Variants in CLIP4 observed in about 807,000 individuals in gnomAD.
CLIP4 encodes CAP-Gly domain containing linker protein family member 4.
Under a neutral mutation model 73.1 loss-of-function variants are expected in CLIP4, and 47 were observed. That is an observed-to-expected ratio of 0.64 (90% CI 0.51 to 0.82). The LOEUF (loss-of-function observed/expected upper bound fraction) is 0.82. Ranked by LOEUF, CLIP4 falls within the 40% of genes least tolerant of loss-of-function variation. The probability of loss-of-function intolerance (pLI) is 0.00; values close to 1 mark genes in which losing one functional copy is unlikely to be tolerated. For missense variants in CLIP4, 874 were observed against 852.9 expected (o/e 1.02, Z -0.31); for synonymous variants, 306 against 295.4 (o/e 1.04, Z -0.37).
intron 1 of CLIP4, among the ~76,000 whole-genome samples, chr2:29,102,695 G>A (rs528943811): frequency 2.0e-5 from 3 of 151,394 alleles, no homozygotes; most frequent in African/African-American, 7.3e-5. Flanking sequence ...GTGCCATCTC[G>A]GCTCACTGCA....
rs117757324 is a variant in CLIP4 at position 29,120,252 on chromosome 2, C to T, written c.-15-1122C>T. Among the ~76,000 whole-genome samples, 46 of 152,218 alleles carry T rather than the reference C, an allele frequency of 3.0e-4. No homozygotes were observed. The East Asian group carries it at 6.9e-3, about 23-fold the overall frequency. On this transcript the variant is annotated intron_variant, in intron 1 of 15. Transcript: ENST00000320081. ...TAACATCTATATCCATATAAGCATA[C>T]GATTTTTGAGGAAAAAGAAAGCCTC...
chr2:29,123,067 C>T (rs1452031644), intron 2 of CLIP4, among the ~76,000 whole-genome samples: 3 of 152,126 alleles, frequency 2.0e-5, no homozygotes, highest in Non-Finnish European at 1.5e-5. Context: ...CAAAATTGGT[C>T]TCCCTGAAAT....
chr2:29,155,523 A>C (rs1164438434), intron 9 of CLIP4, among the ~76,000 whole-genome samples: 1 of 152,246 alleles, frequency 6.6e-6, no homozygotes, highest in Non-Finnish European at 1.5e-5. Context: ...ACAGTTTTGC[A>C]AAACATTACC....
At chr2:29,176,212 CAG>C (rs1261037901) in intron 15 of CLIP4, among the ~76,000 whole-genome samples, 1 of 152,174 alleles carries the variant, frequency 6.6e-6, no homozygotes, top group African/African-American at 2.4e-5. Flanking sequence ...GTGAGGGAGA[CAG>C]GGCAGTGCTC....
At chr2:29,177,147 G>A (rs960170390) in intron 15 of CLIP4, among the ~76,000 whole-genome samples, 1 of 152,122 alleles carries the variant, frequency 6.6e-6, no homozygotes, top group African/African-American at 2.4e-5. Flanking sequence ...AGTGGCTCAT[G>A]CCTATAATCT....
intron 2 of CLIP4, among the ~76,000 whole-genome samples, chr2:29,123,269 T>G (rs1214541354): frequency 2.0e-5 from 3 of 152,206 alleles, no homozygotes; most frequent in Admixed American, 6.5e-5. Flanking sequence ...CTTGGTACAC[T>G]GTGGTCAGTC....
At chr2:29,175,855 G>A (rs900200733) in intron 15 of CLIP4, among the ~76,000 whole-genome samples, 16 of 151,904 alleles carry the variant, frequency 1.1e-4, no homozygotes, top group African/African-American at 3.1e-4. Flanking sequence ...TCCGCCTCCC[G>A]GGTTCACGCC....
At chr2:29,181,001 G>C (rs1317236090) in intron 15 of CLIP4, among the ~76,000 whole-genome samples, 1 of 152,106 alleles carries the variant, frequency 6.6e-6, no homozygotes, top group Non-Finnish European at 1.5e-5. Flanking sequence ...CAGGGGTTAG[G>C]AGTGCCATCC....
intron 1 of CLIP4, among the ~76,000 whole-genome samples, chr2:29,108,703 C>T (rs1342200730): frequency 2.0e-5 from 3 of 152,192 alleles, no homozygotes; most frequent in Non-Finnish European, 2.9e-5. Flanking sequence ...AAATCCCAGA[C>T]CTCAAACATT....
rs138901368 is a variant in CLIP4, at chr2:29,143,761, C to T, written c.701C>T (p.Pro234Leu). 4.3e-4 allele frequency: 691 copies of T among 1,614,000 alleles called. 5 individuals are homozygous for T. The Admixed American group carries it at 6.5e-3, about 15-fold the overall frequency. ...GTTGTTCCAGACCCAGTAGATATGC[C>T]GTTAGAGATGGCTGACGCCGCAGCC... ...ADVVPDPVDM[P>L]LEMADAAATA... is the part of the protein sequence containing the mutation. Residue 234 changes from proline to leucine, a missense_variant, in exon 7 of 16, where the codon CCG becomes CTG. Physicochemically the swap from Pro to Leu is moderately conservative, Grantham distance 98 (BLOSUM62 -3). Coordinates refer to ENST00000320081, the MANE Select transcript of CLIP4 (RefSeq NM_024692.6).
rs1558579098 is a variant in CLIP4, at chr2:29,169,333, GT to G, written c.1723+1794del. ...GTTTTCATGCGGTCTTTTTCACTGT[GT>G]GTGTGTGTGTGTGTGTGTGTGTGTG... On this transcript the variant is annotated intron_variant, in intron 14 of 15. Transcript: ENST00000320081. Among the ~76,000 whole-genome samples, 381 of 38,874 alleles carry G rather than the reference GT, an allele frequency of 9.8e-3. 2 individuals carry two copies. Among genetic ancestry groups the G allele is most frequent in the South Asian group, 0.028 (21 of 752 alleles). The allele number at this position is 38,874 out of a possible 152,430, so 25.5% of individuals were successfully genotyped here. A position where few individuals can be genotyped will look rare whatever the true frequency, so the allele number is the denominator to read the frequency against.
At chr2:29,099,388 T>A (rs960089617) in intron 1 of CLIP4, among the ~76,000 whole-genome samples, 6 of 148,196 alleles carry the variant, frequency 4.0e-5, no homozygotes, top group African/African-American at 1.5e-4. Flanking sequence ...GTAAAAGGTG[T>A]AAGATCTGTG....
chr2:29,115,328 C>T (rs1308894559), upstream of CLIP4: 1 of 151,984 alleles, frequency 6.6e-6, no homozygotes, highest in East Asian at 1.9e-4. This position sits in a 1 kb window ranked among gnomAD's most constrained non-coding sequence, Gnocchi z 5.1. Context: ...GGGGTCGCGG[C>T]CCCGCGTGCG....
At chr2:29,145,974 G>A (rs905378614) in intron 8 of CLIP4, among the ~76,000 whole-genome samples, 2 of 152,228 alleles carry the variant, frequency 1.3e-5, no homozygotes, top group Non-Finnish European at 2.9e-5. Context: ...GAGCCACTGT[G>A]CCTGGCCAAC....
intron 1 of CLIP4, among the ~76,000 whole-genome samples, chr2:29,118,588 G>C (rs931240748): frequency 6.7e-6 from 1 of 150,134 alleles, no homozygotes; most frequent in African/African-American, 2.5e-5. Context: ...GCGGGATCTC[G>C]GCTTACCGCA....
intron 6 of CLIP4, among the ~76,000 whole-genome samples, chr2:29,137,356 G>A (rs755860961): frequency 2.6e-5 from 4 of 152,134 alleles, no homozygotes; most frequent in Admixed American, 6.6e-5. Context: ...CAAAGGGCAC[G>A]ATTTCATTAT....
At chr2:29,179,840 T>G (rs183019890) in intron 15 of CLIP4, among the ~76,000 whole-genome samples, 2 of 152,340 alleles carry the variant, frequency 1.3e-5, no homozygotes, top group East Asian at 1.9e-4. Flanking sequence ...ATTAAATTTA[T>G]TATTGTATTT....
At chr2:29,167,682 T>C (rs1667716301) in intron 14 of CLIP4, 142 bp downstream of exon 14, 5 of 535,504 alleles carry the variant, frequency 9.3e-6, no homozygotes, top group Non-Finnish European at 1.6e-5. Context: ...AAACATCTGT[T>C]ACCTGTCCCC....
intron 11 of CLIP4, 24 bp from the exon 12 acceptor site, chr2:29,160,309 T>C (rs556817369): frequency 6.2e-7 from 1 of 1,613,818 alleles, no homozygotes; most frequent in African/African-American, 1.3e-5. Flanking sequence ...GCCCTGCCCC[T>C]GTATCCCTCC....
Sources: gnomAD v4.1 joint callset for allele counts (sites outside exome capture counted in the v4.1 genomes callset) on GRCh38, gnomAD v4.1.1 for gene constraint, Gnocchi (gnomAD v3.1) non-coding constraint, MANE v1.5 for transcripts, NCBI Gene and HGNC (gene_info 2026-07-23, HGNC 2026-07-21) for gene names.